SGSM1: variants seen among roughly 807,000 people sequenced by gnomAD.
SGSM1 encodes small G protein signaling modulator 1, also known as RUN and TBC1 domain containing 2.
A neutral mutation model predicts 133.8 loss-of-function variants in SGSM1; 73 were observed. The ratio of observed to expected loss-of-function variants is 0.55; its 90% CI spans 0.45 to 0.66. SGSM1 has a LOEUF of 0.66. SGSM1 is among the 30% of genes least tolerant of loss of function. The pLI is 0.00. For missense variants in SGSM1, 1,213 were observed against 1,448.1 expected (o/e 0.84, Z 2.64); for synonymous variants, 563 against 573.0 (o/e 0.98, Z 0.25).
chr22:24,836,331 A>G (rs1226061670), intron 2 of SGSM1, among the ~76,000 whole-genome samples: 1 of 152,178 alleles, frequency 6.6e-6, no homozygotes, highest in Non-Finnish European at 1.5e-5. Context: ...TGTAGACCAC[A>G]TTTTGTCTAT....
chr22:24,895,638 G>A (rs1488233741), intron 18 of SGSM1, among the ~76,000 whole-genome samples: 1 of 152,056 alleles, frequency 6.6e-6, no homozygotes, highest in Non-Finnish European at 1.5e-5. Context: ...ATAATCTATA[G>A]CAATGTTTGG....
chr22:24,885,478 A>C (rs1330171613), intron 15 of SGSM1, among the ~76,000 whole-genome samples: 2 of 117,732 alleles, frequency 1.7e-5, no homozygotes, highest in Non-Finnish European at 3.2e-5. Context: ...TCGCTCTGTC[A>C]CCCGGGCTGG....
chr22:24,814,999 G>C (rs16978989), intron 2 of SGSM1, among the ~76,000 whole-genome samples: 1,968 of 152,306 alleles, frequency 0.013, 39 homozygotes, highest in African/African-American at 0.045. Context: ...CCCTGCACTT[G>C]GTTGCTGTGC....
intron 2 of SGSM1, among the ~76,000 whole-genome samples, chr22:24,823,782 T>C (rs1928629886): frequency 6.6e-6 from 1 of 151,408 alleles, no homozygotes; most frequent in East Asian, 1.9e-4. Context: ...AGGTGGTGCG[T>C]ACCTATAGTC....
At chr22:24,874,480 G>A (rs1341831732) in intron 12 of SGSM1, 1 of 1,613,654 alleles carries the variant, frequency 6.2e-7, no homozygotes, top group African/African-American at 1.3e-5. Flanking sequence ...GATGGTTCCT[G>A]CAGGCCGGTC....
chr22:24,888,274 A>G (rs1443122262), intron 16 of SGSM1, among the ~76,000 whole-genome samples: 1 of 152,184 alleles, frequency 6.6e-6, no homozygotes, highest in Non-Finnish European at 1.5e-5. Flanking sequence ...GCCTAGCCCT[A>G]GGTCCTGAAG....
At chr22:24,853,105 C>T (rs1930577399) in intron 5 of SGSM1, among the ~76,000 whole-genome samples, 1 of 152,334 alleles carries the variant, frequency 6.6e-6, no homozygotes, top group South Asian at 2.1e-4. Flanking sequence ...TACTTCCTCC[C>T]ATTTTACAGC....
intron 2 of SGSM1, among the ~76,000 whole-genome samples, chr22:24,840,889 C>A (rs1003376311): frequency 2.6e-5 from 4 of 152,120 alleles, no homozygotes; most frequent in Non-Finnish European, 5.9e-5. Flanking sequence ...CTCGCTCTTT[C>A]ACCCAGGCCG....
At chr22:24,915,100 G>C (rs1933776298) in intron 22 of SGSM1, among the ~76,000 whole-genome samples, 1 of 152,136 alleles carries the variant, frequency 6.6e-6, no homozygotes, top group Non-Finnish European at 1.5e-5. Context: ...GCGGTGGCGG[G>C]CGCCTGTAGT....
At position 24,897,994 on chromosome 22, in the gene SGSM1, T is replaced by C; in HGVS notation, c.2045T>C (p.Val682Ala). 6.2e-7 allele frequency: 1 copy of C among 1,604,696 alleles called. No homozygotes were observed. The highest frequency in any genetic ancestry group is 8.5e-7 in the Non-Finnish European group (1 of 1,175,626). The change falls in exon 19 of 25, where the codon GTG becomes GCG. Residue 682 changes from valine (V) to alanine (A), a missense_variant. Val to Ala is a moderately conservative substitution (Grantham distance 64, BLOSUM62 0). Transcript: ENST00000400358. ...CAGGTGTTTGAGTCTGTGGATGAGG[T>C]GGAGCAGGTGGAGGCTGAAGGCAGA... ...STQVFESVDE[V>A]EQVEAEGRLE...
Position 24,876,918 on chromosome 22 carries a change from A to G in SGSM1, c.1430+203A>G, listed in dbSNP as rs189882364. 5.9e-5 allele frequency among the ~76,000 whole-genome samples: 9 copies of G among 152,320 alleles called. No homozygotes were observed. In the East Asian group the frequency reaches 1.7e-3, roughly 29 times the overall value. On this transcript the variant is annotated intron_variant, in intron 13 of 24. Transcript: ENST00000400358. The stretch of plus-strand genomic sequence containing the variant: ...ATAAACAAGGTTATGCTGCAGTAAC[A>G]AACAGTCCTAAAACCTCAGTGGCTT...
intron 13 of SGSM1, among the ~76,000 whole-genome samples, chr22:24,878,451 G>T (rs1027635074): frequency 6.6e-6 from 1 of 152,146 alleles, no homozygotes; most frequent in East Asian, 1.9e-4. Context: ...CAACCTGAGG[G>T]CACAAAGGGG....
intron 14 of SGSM1, 24 bp downstream of exon 14, chr22:24,879,550 G>C (rs766723789): frequency 1.2e-6 from 2 of 1,608,026 alleles, no homozygotes; most frequent in Admixed American, 1.7e-5. Context: ...TCCATTGCCA[G>C]TGTGTCTCCG....
chr22:24,885,821 C>CAGTA (rs1932567014), intron 15 of SGSM1, among the ~76,000 whole-genome samples: 1 of 151,672 alleles, frequency 6.6e-6, no homozygotes, highest in South Asian at 2.1e-4. Flanking sequence ...CATTGATGCG[C>CAGTA]AGTTGGAGAG....
intron 16 of SGSM1, among the ~76,000 whole-genome samples, chr22:24,889,933 G>C (rs1932779893): frequency 1.3e-5 from 2 of 149,154 alleles, no homozygotes; most frequent in Admixed American, 1.4e-4. Flanking sequence ...TTATAGGCGT[G>C]AGCCACCGGG....
At position 24,826,285 on chromosome 22, in the gene SGSM1, A is replaced by G. The variant is rs1419655543; in HGVS notation, c.64-18612A>G. Among the ~76,000 whole-genome samples, 4 of 152,208 alleles carry G rather than the reference A, an allele frequency of 2.6e-5. No individual in the cohort carries two copies. In the East Asian group the frequency reaches 7.7e-4, roughly 29 times the overall value. On this transcript the variant is annotated intron_variant, in intron 2 of 24. Transcript: ENST00000400358. Reference sequence around the variant, plus strand: ...GGAGCATACCTATACTCAAAAGATTATTCTTTGTTTATCTGAAATTGACAT... The same window carrying G: ...GGAGCATACCTATACTCAAAAGATTGTTCTTTGTTTATCTGAAATTGACAT...
At chr22:24,905,314 G>A in intron 21 of SGSM1, 127 bp downstream of exon 21, 1 of 872,242 alleles carries the variant, frequency 1.1e-6, no homozygotes, top group Non-Finnish European at 1.9e-6. Flanking sequence ...GGCCTGTCTG[G>A]TGAACACATC....
rs1932986726 is a variant in SGSM1, at chr22:24,898,391, G to A, written c.2442G>A (p.Met814Ile). 1 of 1,613,906 alleles carries A rather than the reference G, an allele frequency of 6.2e-7. No homozygotes were observed. The highest frequency in any genetic ancestry group is 8.5e-7 in the Non-Finnish European group (1 of 1,179,886). ...TGCCTGAAAAGGACGATGTTGTGATGGAGGGCTGGAGGAGCAGCGAGACAG... is the reference window on the plus strand; with the variant it reads ...TGCCTGAAAAGGACGATGTTGTGATAGAGGGCTGGAGGAGCAGCGAGACAG... ...MALPEKDDVVMEGWRSSETEK... is the reference protein window; with the variant it reads ...MALPEKDDVVIEGWRSSETEK... Residue 814 changes from methionine (M) to isoleucine (I), a missense_variant, in exon 19 of 25, where the codon ATG (methionine) becomes ATA (isoleucine). Met to Ile is a conservative substitution (Grantham distance 10). Coordinates refer to ENST00000400358, the MANE Select transcript of SGSM1 (RefSeq NM_001098497.3).
rs71764770 is a variant in SGSM1 at position 24,844,575 on chromosome 22, CAG to C, written c.64-321_64-320del. ...GGTGAGTGCCCTACAGGAACTAAAA[CAG>C]GGGATGGGAGTGGGGAGGGGTCTGC... On this transcript the variant is annotated intron_variant, in intron 2 of 24. Coordinates refer to ENST00000400358, the MANE Select transcript of SGSM1 (RefSeq NM_001098497.3). The C allele has an allele frequency of 2.5e-3, 603 of 244,036 alleles. 2 individuals carry two copies. Among genetic ancestry groups the C allele is most frequent in the South Asian group, 0.012 (97 of 8,066 alleles). The allele number at this position is 244,036 out of a possible 1,614,324, so 15.1% of individuals were successfully genotyped here.
Sources: gnomAD v4.1 joint callset for allele counts (sites outside exome capture counted in the v4.1 genomes callset) on GRCh38, gnomAD v4.1.1 for gene constraint, MANE v1.5 for transcripts, NCBI Gene and HGNC (gene_info 2026-07-23, HGNC 2026-07-21) for gene names.